The following NKAIN2 variants were observed in gnomAD, a reference collection of about 807,000 sequenced individuals.
NKAIN2 encodes the protein sodium/potassium transporting ATPase interacting 2, also known as sodium/potassium-transporting ATPase subunit beta-1-interacting protein 2.
A neutral mutation model predicts 32.6 loss-of-function variants in NKAIN2; 14 were observed. The observed-to-expected ratio is 0.43, with a 90% confidence interval of 0.28 to 0.67. The LOEUF (loss-of-function observed/expected upper bound fraction) is 0.67, where lower values mean the gene tolerates loss of function less well. Among genes scored for constraint, NKAIN2 ranks in the 30% least tolerant of loss-of-function variants. The pLI, the probability that NKAIN2 is intolerant of heterozygous loss-of-function variation, is 0.17. For missense variants in NKAIN2, 198 were observed against 258.3 expected (o/e 0.77, Z 1.60); for synonymous variants, 80 against 87.2 (o/e 0.92, Z 0.46).
chr6:124,572,866 A>C (rs1031741330), intron 3 of NKAIN2, among the ~76,000 whole-genome samples: 2 of 152,082 alleles, frequency 1.3e-5, no homozygotes, highest in Admixed American at 6.6e-5. Flanking sequence ...TTTGAGATGG[A>C]GTCTTGCTCT....
rs1781530029 is a variant in NKAIN2 at position 124,824,961 on chromosome 6, G to T, written c.*1732G>T. 1 of 152,552 alleles carries T rather than the reference G, an allele frequency of 6.6e-6. No individual in the cohort carries two copies. Among genetic ancestry groups the T allele is most frequent in the Admixed American group, 6.6e-5 (1 of 15,262 alleles). 9.4% of individuals were successfully genotyped at this position (152,552 alleles called of 1,614,324 possible). On this transcript the variant is annotated 3_prime_UTR_variant, in exon 7 of 7. Coordinates refer to ENST00000368417, the MANE Select transcript of NKAIN2 (RefSeq NM_001040214.3). Reference sequence around the variant, plus strand: ...TATAAAAAAAGATTCCAGCACTCATGCTTGAATTTCCTCAGTGGGTTGTAT... The same window carrying T: ...TATAAAAAAAGATTCCAGCACTCATTCTTGAATTTCCTCAGTGGGTTGTAT...
intron 3 of NKAIN2, among the ~76,000 whole-genome samples, chr6:124,496,993 G>A (rs1778087001): frequency 1.3e-5 from 2 of 152,144 alleles, no homozygotes; most frequent in South Asian, 4.1e-4. Context: ...GTGATATTCT[G>A]TATCCTAATG....
At chr6:124,095,568 G>A (rs1306139126) in intron 1 of NKAIN2, among the ~76,000 whole-genome samples, 1 of 152,102 alleles carries the variant, frequency 6.6e-6, no homozygotes, top group Non-Finnish European at 1.5e-5. Flanking sequence ...TTAACATGAT[G>A]TGTACTTAAG....
chr6:124,476,417 G>A (rs1362833587), intron 3 of NKAIN2, among the ~76,000 whole-genome samples: 1 of 150,732 alleles, frequency 6.6e-6, no homozygotes, highest in East Asian at 1.9e-4. Flanking sequence ...GTGTGTGTGT[G>A]TGTGTGTGTG....
intron 3 of NKAIN2, among the ~76,000 whole-genome samples, chr6:124,570,560 A>G (rs1781087456): frequency 6.6e-6 from 1 of 152,200 alleles, no homozygotes; most frequent in South Asian, 2.1e-4. Context: ...TGGAAGCCCC[A>G]GGCATTGGCA....
intron 2 of NKAIN2, among the ~76,000 whole-genome samples, chr6:124,289,192 A>G (rs1425367904): frequency 1.3e-5 from 2 of 152,168 alleles, no homozygotes; most frequent in African/African-American, 2.4e-5. Flanking sequence ...AAAGTTTTGA[A>G]TGGTATTTTC....
In NKAIN2 at chr6:124,472,884, G is replaced by A. The variant is rs535971980; in HGVS notation, c.273+117537G>A. Among the ~76,000 whole-genome samples the A allele has an allele frequency of 3.9e-5, 6 of 152,136 alleles. No homozygotes were observed. The South Asian group carries it at 1.2e-3, about 32-fold the overall frequency. ...TTTTATGTAAAGAAAGAGAATGTGT[G>A]TGCTATCTAGATATATAAATAAAAT... is the stretch of plus-strand genomic sequence containing the variant. On this transcript the variant is annotated intron_variant, in intron 3 of 6. Transcript: ENST00000368417.
chr6:123,970,109 G>GTATATATA (rs1468795026), intron 1 of NKAIN2, among the ~76,000 whole-genome samples: 1 of 130,992 alleles, frequency 7.6e-6, no homozygotes, highest in East Asian at 3.3e-4. Context: ...ATTATTAAAT[G>GTATATATA]GATATATATA....
At chr6:124,382,400 C>G (rs140514374) in intron 3 of NKAIN2, among the ~76,000 whole-genome samples, 3 of 152,008 alleles carry the variant, frequency 2.0e-5, no homozygotes, top group South Asian at 4.1e-4. Context: ...GAAACAAATG[C>G]GAGCTAAAAC....
At position 124,542,732 on chromosome 6, in the gene NKAIN2, A is replaced by G. The variant is rs1043917898; in HGVS notation, c.274-115454A>G. 9.8e-5 allele frequency among the ~76,000 whole-genome samples: 15 copies of G among 152,300 alleles called. 1 individual carries two copies. The highest frequency in any genetic ancestry group is 2.6e-4 in the Admixed American group (4 of 15,296). ...GCTCTTTACAGACCCAAGATTCCAT[A>G]TAGCACCTGTTGGCTTCAGAATTGT... is the stretch of plus-strand genomic sequence containing the variant. On this transcript the variant is annotated intron_variant, in intron 3 of 6. Transcript: ENST00000368417.
intron 1 of NKAIN2, among the ~76,000 whole-genome samples, chr6:123,910,499 G>GTGTTTTTTTTTTTTTT (rs1491095246): frequency 1.2e-5 from 1 of 81,314 alleles, no homozygotes; most frequent in African/African-American, 5.0e-5. Flanking sequence ...TGCAATGCAT[G>GTGTTTTTTTTTTTTTT]TTTTTTTTTT....
intron 1 of NKAIN2, among the ~76,000 whole-genome samples, chr6:123,984,854 T>C (rs1370052216): frequency 2.0e-5 from 3 of 152,164 alleles, no homozygotes; most frequent in Non-Finnish European, 4.4e-5. Context: ...AATGACTTTT[T>C]ATAATAAATA....
chr6:124,029,319 T>G (rs933715148), intron 1 of NKAIN2, among the ~76,000 whole-genome samples: 2 of 151,904 alleles, frequency 1.3e-5, no homozygotes, highest in African/African-American at 4.8e-5. Context: ...AATAATCATA[T>G]TCATACACTT....
At chr6:124,579,740 C>T (rs887896285) in intron 3 of NKAIN2, among the ~76,000 whole-genome samples, 3 of 152,130 alleles carry the variant, frequency 2.0e-5, no homozygotes, top group African/African-American at 7.2e-5. Context: ...TGTTGAACAG[C>T]AAGCATATTT....
chr6:124,492,056 G>A (rs930633003), intron 3 of NKAIN2, among the ~76,000 whole-genome samples: 2 of 151,914 alleles, frequency 1.3e-5, no homozygotes, highest in African/African-American at 2.4e-5. Flanking sequence ...CAGTAAAATT[G>A]TAAGAGAATA....
chr6:124,331,137 A>G (rs940933225), intron 2 of NKAIN2, among the ~76,000 whole-genome samples: 1 of 152,024 alleles, frequency 6.6e-6, no homozygotes, highest in African/African-American at 2.4e-5. Context: ...CCAAAGTTTT[A>G]TAGGAAAGAT....
rs185640445 is a variant in NKAIN2, at chr6:123,960,256, C to T, written c.54+156002C>T. Reference sequence around the variant, plus strand: ...TGATTGGCTAATGGCCATCAGGTTGCGGTCTCTGGTTAAATGCTAACGGGC... The same window carrying T: ...TGATTGGCTAATGGCCATCAGGTTGTGGTCTCTGGTTAAATGCTAACGGGC... On this transcript the variant is annotated intron_variant, in intron 1 of 6. Transcript: ENST00000368417. Among the ~76,000 whole-genome samples the T allele has an allele frequency of 7.9e-5, 12 of 152,200 alleles. No individual in the cohort carries two copies. The East Asian group carries it at 2.1e-3, about 27-fold the overall frequency.
chr6:124,243,269 T>C (rs1032895056), intron 1 of NKAIN2, among the ~76,000 whole-genome samples: 14 of 151,844 alleles, frequency 9.2e-5, no homozygotes, highest in African/African-American at 2.7e-4. Context: ...CCCAGGCAGA[T>C]GTAACACTTG....
chr6:124,014,150 T>C (rs577351071), intron 1 of NKAIN2, among the ~76,000 whole-genome samples: 1 of 152,298 alleles, frequency 6.6e-6, no homozygotes, highest in African/African-American at 2.4e-5. Flanking sequence ...TCATTTGCAT[T>C]GTTTCTTGTC....
Sources: gnomAD v4.1 joint callset for allele counts (sites outside exome capture counted in the v4.1 genomes callset) on GRCh38, gnomAD v4.1.1 for gene constraint, MANE v1.5 for transcripts, NCBI Gene and HGNC (gene_info 2026-07-23, HGNC 2026-07-21) for gene names.